Variants in CAPN12 observed in about 807,000 individuals in gnomAD.
The protein encoded by CAPN12 is calpain-12.
In CAPN12, 107 loss-of-function variants were observed where a neutral mutation model predicts 95.0. The observed-to-expected ratio is 1.13, with a 90% CI of 0.96 to 1.32. CAPN12 has a LOEUF of 1.32. Among genes scored for constraint, CAPN12 ranks in the 40% most tolerant of loss-of-function variants. CAPN12 has a pLI of 0.00. For missense variants in CAPN12, 1,136 were observed against 997.8 expected, an observed-to-expected ratio of 1.14 and a Z score of -1.87; for synonymous variants, 505 against 415.5, an observed-to-expected ratio of 1.22 and a Z score of -2.62.
intron 5 of CAPN12, chr19:38,739,121 A>G (rs531501274): frequency 1.7e-4 from 29 of 174,784 alleles, no homozygotes; most frequent in African/African-American, 6.2e-4. Flanking sequence ...ACAGAGTGAG[A>G]TGAGACCCTG....
At chr19:38,739,974 A>G (rs1599926945) in intron 5 of CAPN12, 77 bp downstream of exon 5, 2 of 1,405,752 alleles carry the variant, frequency 1.4e-6, no homozygotes, top group Non-Finnish European at 1.9e-6. Context: ...CAGAGGAAGC[A>G]CTCCGCCCAC....
intron 10 of CAPN12, chr19:38,736,779 T>A (rs912695719): frequency 1.6e-6 from 1 of 622,538 alleles, no homozygotes; most frequent in African/African-American, 1.9e-5. Flanking sequence ...CTTCTCTGTA[T>A]CCTTGGTCCC....
chr19:38,735,562 G>GA lies in CAPN12; in HGVS notation c.1584-19dup, dbSNP rs1969977018. On this transcript the variant is annotated intron_variant, in intron 12 of 20. Transcript: ENST00000328867. ...CGATCTCCCTGCAAATTACAGATGG[G>GA]AAGTGGGGAGGGGGCTGTTTGCCCC... The GA allele has an allele frequency of 6.2e-7, 1 of 1,607,890 alleles. No individual in the cohort carries two copies.
At position 38,734,312 on chromosome 19, in the gene CAPN12, C is replaced by T; in HGVS notation, c.1815+7G>A. Reference sequence around the variant, plus strand: ...CCTCCCTCACCCAGGCACTGCCCCCCATGTACCCCGAAACACTGCAGCAGC... The same window carrying T: ...CCTCCCTCACCCAGGCACTGCCCCCTATGTACCCCGAAACACTGCAGCAGC... On this transcript the variant is annotated splice_region_variant and intron_variant, in intron 16 of 20. Coordinates refer to ENST00000328867, the MANE Select transcript of CAPN12 (RefSeq NM_144691.4). The T allele has an allele frequency of 1.2e-6, 2 of 1,606,370 alleles. No homozygotes were observed. The highest frequency in any genetic ancestry group is 2.2e-5 in the South Asian group (2 of 90,278).
chr19:38,738,918 G>C, intron 5 of CAPN12: 1 of 515,602 alleles, frequency 1.9e-6, no homozygotes, highest in South Asian at 2.1e-5. Context: ...GACTACTTGA[G>C]GCCAGGAGTC....
At chr19:38,736,905 C>CACCCCAGGA in intron 10 of CAPN12, 1 of 473,588 alleles carries the variant, frequency 2.1e-6, no homozygotes. Context: ...CCTGGCCCCC[C>CACCCCAGGA]AGCCCTACTA....
In CAPN12 at chr19:38,734,705, C is replaced by T. The variant is rs147533022; in HGVS notation, c.1744+108G>A. 1.8e-4 allele frequency: 182 copies of T among 1,039,178 alleles called. 5 individuals carry two copies. Among genetic ancestry groups the T allele is most frequent in the African/African-American group, 1.7e-3 (108 of 62,370 alleles). 64.4% of individuals were successfully genotyped at this position (1,039,178 alleles called of 1,614,324 possible). A position where few individuals can be genotyped will look rare whatever the true frequency, so the allele number is the denominator to read the frequency against. ...CCAGGCTGAGCCCTGGCTTCCTGAG[C>T]CCAACTCCCAGCAGCGCGGTGGGTT... On this transcript the variant is annotated intron_variant, in intron 15 of 20. Coordinates refer to ENST00000328867, the MANE Select transcript of CAPN12 (RefSeq NM_144691.4).
Position 38,744,076 on chromosome 19 carries a change from C to G in CAPN12, c.90G>C (p.Gln30His). 6.2e-7 allele frequency: 1 copy of G among 1,614,204 alleles called. No individual in the cohort carries two copies. Among genetic ancestry groups the G allele is most frequent in the Non-Finnish European group, 8.5e-7 (1 of 1,180,036 alleles). Reference sequence around the variant, plus strand: ...AGGCTGCCCGAATTGCCTCATAGCTCTGGCCCCGAAAAAGCTGCAGGCGCC... The same window carrying G: ...AGGCTGCCCGAATTGCCTCATAGCTGTGGCCCCGAAAAAGCTGCAGGCGCC... The part of the protein sequence containing the change: ...GAGRLQLFRG[Q>H]SYEAIRAACL... The change falls in exon 1 of 21, where the codon CAG becomes CAC. Residue 30 changes from glutamine to histidine, a missense_variant. By Grantham distance (24) the Gln-to-His change is conservative (BLOSUM62 0). Transcript: ENST00000328867.
At chr19:38,740,300 G>T in intron 4 of CAPN12, 81 bp from the exon 5 acceptor site, 3 of 1,334,010 alleles carry the variant, frequency 2.2e-6, no homozygotes, top group Non-Finnish European at 3.0e-6. Flanking sequence ...GCAGGGGCCT[G>T]TGTCTCAGGG....
Position 38,730,612 on chromosome 19 carries a change from CTT to C in CAPN12, c.*238_*239del. The C allele has an allele frequency of 1.7e-6, 1 of 603,514 alleles. No individual in the cohort carries two copies. The highest frequency in any genetic ancestry group is 3.0e-6 in the Non-Finnish European group (1 of 337,746). The allele number at this position is 603,514 out of a possible 1,614,324, so 37.4% of individuals were successfully genotyped here. On this transcript the variant is annotated 3_prime_UTR_variant, in exon 21 of 21. Transcript: ENST00000328867. ...AGAGCCAGGGCAGAGCTAGCACTGT[CTT>C]AAGCTGTCAACGTGGACTAGCTCGT...
At chr19:38,739,929 A>G (rs1970447323) in intron 5 of CAPN12, 122 bp downstream of exon 5, 1 of 1,042,522 alleles carries the variant, frequency 9.6e-7, no homozygotes, top group Non-Finnish European at 1.3e-6. Context: ...AGTTAGATTT[A>G]TGAGCGAGCC....
intron 18 of CAPN12, among the ~76,000 whole-genome samples, chr19:38,732,171 G>A (rs1476177609): frequency 2.0e-5 from 3 of 152,208 alleles, no homozygotes; most frequent in East Asian, 1.9e-4. Context: ...ACTCACTGGT[G>A]CCAGATGCGT....
Position 38,737,269 on chromosome 19 carries a change from G to T in CAPN12, c.1249C>A (p.Arg417=). ...GTGCACTTGGGCGTGCGGCCCCCCC[G>T]CGCTGGGCCCCGTGCCCCTGCAGCC... ...WGAAGARGPA[R]GGRTPKCTVL... is the part of the protein sequence containing the mutation. The change falls in exon 10 of 21, where the codon CGG becomes AGG. Residue 417 remains arginine, a synonymous_variant. Transcript: ENST00000328867. 6.5e-7 allele frequency: 1 copy of T among 1,541,684 alleles called. No individual in the cohort carries two copies. The highest frequency in any genetic ancestry group is 1.2e-5 in the South Asian group (1 of 83,690).
rs1375514830 is a variant in CAPN12, at chr19:38,740,057, A to G, written c.723T>C (p.Thr241=). The G allele has an allele frequency of 1.3e-6, 2 of 1,587,140 alleles. No individual in the cohort carries two copies. The highest frequency in any genetic ancestry group is 1.7e-6 in the Non-Finnish European group (2 of 1,165,598). ...GCGAGTCCAGGTCTCTTACCAGGGCAGTGGCGCCCACGAGGGACTCCTTGG... is the reference window on the plus strand; with the variant it reads ...GCGAGTCCAGGTCTCTTACCAGGGCGGTGGCGCCCACGAGGGACTCCTTGG... ...ALAKESLVGA[T]ALSDRGEYRT... Residue 241 remains threonine, a synonymous_variant, in exon 5 of 21, where the codon ACT becomes ACC. Coordinates refer to ENST00000328867, the MANE Select transcript of CAPN12 (RefSeq NM_144691.4).
rs1307247433 is a variant in CAPN12 at position 38,736,123 on chromosome 19, G to A, written c.1570C>T (p.Arg524Cys). The A allele has an allele frequency of 1.1e-5, 17 of 1,504,408 alleles. No individual in the cohort carries two copies. The East Asian group carries it at 3.6e-4, about 32-fold the overall frequency. 93.2% of individuals were successfully genotyped at this position (1,504,408 alleles called of 1,614,324 possible). A position where few individuals can be genotyped will look rare whatever the true frequency, so the allele number is the denominator to read the frequency against. ...DFTLRVFSER[R>C]HTAVEIDDVI... ...CCCGGGGCTCACACGGCCGTGTGGC[G>A]GCGCTCGGAGAAGACACGCAGAGTG... Residue 524 changes from arginine to cysteine, a missense_variant, in exon 12 of 21, where the codon CGC becomes TGC. Coordinates refer to ENST00000328867, the MANE Select transcript of CAPN12 (RefSeq NM_144691.4).
At position 38,736,558 on chromosome 19, in the gene CAPN12, T is replaced by C. The variant is rs1203224134; in HGVS notation, c.1368A>G (p.Pro456=). The change falls in exon 11 of 21, where the codon CCA becomes CCG. Residue 456 remains proline, a synonymous_variant. Coordinates refer to ENST00000328867, the MANE Select transcript of CAPN12 (RefSeq NM_144691.4). ...GACCCCATCCCAGACTCACCTCCTC[T>C]GGAATCTGAAAGAAGCAAGAGCAAG... The part of the protein sequence containing the change: ...LTVGFHVFQI[P]EELLGLWDSP... 3 of 1,553,364 alleles carry C rather than the reference T, an allele frequency of 1.9e-6. No homozygotes were observed. The highest frequency in any genetic ancestry group is 4.7e-5 in the East Asian group (2 of 42,726).
chr19:38,736,717 G>A, intron 10 of CAPN12, 154 bp from the exon 11 acceptor site: 1 of 963,836 alleles, frequency 1.0e-6, no homozygotes. Context: ...CCCGACCCAG[G>A]CCCTCGCCGA....
At chr19:38,734,272 T>C in intron 16 of CAPN12, 47 bp downstream of exon 16, 11 of 1,603,304 alleles carry the variant, frequency 6.9e-6, no homozygotes, top group Non-Finnish European at 9.4e-6. Flanking sequence ...GACCCCAACG[T>C]CCCCTTCCCC....
intron 14 of CAPN12, 47 bp downstream of exon 14, chr19:38,735,323 G>A: frequency 1.3e-6 from 2 of 1,512,382 alleles, no homozygotes; most frequent in East Asian, 2.3e-5. Context: ...GGGTCCCCAA[G>A]GGGAGGCCGC....
Sources: allele counts gnomAD v4.1 joint callset (sites outside exome capture counted in the v4.1 genomes callset), GRCh38; gene constraint gnomAD v4.1.1; transcripts MANE v1.5; gene names NCBI Gene and HGNC (gene_info 2026-07-23, HGNC 2026-07-21).